Variants in ST6GALNAC5 observed in about 807,000 individuals in gnomAD.
ST6GALNAC5 encodes the protein ST6 N-acetylgalactosaminide alpha-2,6-sialyltransferase 5.
A neutral mutation model predicts 33.6 loss-of-function variants in ST6GALNAC5; 27 were observed. The ratio of observed to expected loss-of-function variants is 0.80; its 90% CI spans 0.59 to 1.11. The LOEUF (loss-of-function observed/expected upper bound fraction) is 1.11. Among genes scored for constraint, ST6GALNAC5 ranks in the 50% least tolerant of loss-of-function variants. The pLI, the probability that ST6GALNAC5 is intolerant of heterozygous loss-of-function variation, is 0.00. For synonymous variants in ST6GALNAC5, 194 were observed against 171.2 expected, an observed-to-expected ratio of 1.13 and a Z score of -1.04; for missense variants, 428 against 454.0, an observed-to-expected ratio of 0.94 and a Z score of 0.52.
At chr1:76,996,250 T>A (rs547464033) in intron 2 of ST6GALNAC5, among the ~76,000 whole-genome samples, 106 of 152,298 alleles carry the variant, frequency 7.0e-4, no homozygotes, top group African/African-American at 2.1e-3. Flanking sequence ...CTCTCCTACA[T>A]TTATGGGGAC....
intron 2 of ST6GALNAC5, among the ~76,000 whole-genome samples, chr1:77,021,207 T>TA (rs1651042120): frequency 6.6e-6 from 1 of 152,182 alleles, no homozygotes; most frequent in Non-Finnish European, 1.5e-5. Flanking sequence ...AGTCTCTTTT[T>TA]AAAAAAGTAT....
intron 2 of ST6GALNAC5, among the ~76,000 whole-genome samples, chr1:76,883,683 T>G (rs762853424): frequency 1.3e-5 from 2 of 152,202 alleles, no homozygotes; most frequent in African/African-American, 2.4e-5. Context: ...GCTATTTATT[T>G]GTTGTGAGCT....
intron 2 of ST6GALNAC5, among the ~76,000 whole-genome samples, chr1:77,038,221 G>A (rs1363867958): frequency 6.6e-6 from 1 of 152,222 alleles, no homozygotes; most frequent in Non-Finnish European, 1.5e-5. Context: ...CTTCTTGGCA[G>A]TGAAGGCTGG....
In ST6GALNAC5 at chr1:77,020,227, T is replaced by C. The variant is rs551945257; in HGVS notation, c.262-23977T>C. Among the ~76,000 whole-genome samples, 65 of 152,328 alleles carry C rather than the reference T, an allele frequency of 4.3e-4. 1 individual carries two copies. The highest frequency in any genetic ancestry group is 1.4e-3 in the African/African-American group (59 of 41,574). On this transcript the variant is annotated intron_variant, in intron 2 of 4. Transcript: ENST00000477717. ...TGCTTTTGAGGGGATTCTTGTGTAATTGACATTTTTTAAGTGCCGAGAATG... is the reference window on the plus strand; with the variant it reads ...TGCTTTTGAGGGGATTCTTGTGTAACTGACATTTTTTAAGTGCCGAGAATG...
chr1:76,990,384 G>A (rs1395630993), intron 2 of ST6GALNAC5, among the ~76,000 whole-genome samples: 1 of 152,192 alleles, frequency 6.6e-6, no homozygotes, highest in Non-Finnish European at 1.5e-5. Context: ...TTCTGAGCAT[G>A]AACTCAAACA....
chr1:76,915,108 G>A (rs1182947906), intron 2 of ST6GALNAC5, among the ~76,000 whole-genome samples: 3 of 151,876 alleles, frequency 2.0e-5, no homozygotes, highest in African/African-American at 7.3e-5. Flanking sequence ...ATCATCACTG[G>A]CCATCAGAGA....
chr1:77,056,408 T>C (rs1263482291), intron 4 of ST6GALNAC5, among the ~76,000 whole-genome samples: 1 of 152,224 alleles, frequency 6.6e-6, no homozygotes, highest in Non-Finnish European at 1.5e-5. Flanking sequence ...CTTAGCACAT[T>C]ACCAAGTTTA....
rs1206414847 is a variant in ST6GALNAC5 at position 77,067,450 on chromosome 1, G to C, written c.*4244G>C. Among the ~76,000 whole-genome samples the C allele has an allele frequency of 6.6e-6, 1 of 152,174 alleles. No homozygotes were observed. Among genetic ancestry groups the C allele is most frequent in the Admixed American group, 6.5e-5 (1 of 15,274 alleles). On this transcript the variant is annotated 3_prime_UTR_variant, in exon 5 of 5. Transcript: ENST00000477717. Reference sequence around the variant, plus strand: ...AGATTGTAAGCTCCTTGAGGGCAGAGACTCTTTCTCCTTTGTCTCTGCAGC... The same window carrying C: ...AGATTGTAAGCTCCTTGAGGGCAGACACTCTTTCTCCTTTGTCTCTGCAGC...
rs1652675234 is a variant in ST6GALNAC5 at position 77,063,621 on chromosome 1, T to A, written c.*415T>A. ...CTTTCCTGTTCTATAACCTTTGTCA[T>A]CTGTTAGACTCTGTATGTGTGATTT... is the stretch of plus-strand genomic sequence containing the variant. On this transcript the variant is annotated 3_prime_UTR_variant, in exon 5 of 5. Coordinates refer to ENST00000477717, the MANE Select transcript of ST6GALNAC5 (RefSeq NM_030965.3). The A allele has an allele frequency of 5.4e-6, 1 of 185,074 alleles. No individual in the cohort carries two copies. The highest frequency in any genetic ancestry group is 2.4e-5 in the African/African-American group (1 of 42,488). 11.5% of individuals were successfully genotyped at this position (185,074 alleles called of 1,614,324 possible).
intron 2 of ST6GALNAC5, among the ~76,000 whole-genome samples, chr1:76,974,044 A>T (rs558402601): frequency 1.3e-5 from 2 of 152,098 alleles, no homozygotes; most frequent in African/African-American, 4.8e-5. Flanking sequence ...AAGAATAAAA[A>T]AACAACTAAT....
intron 2 of ST6GALNAC5, among the ~76,000 whole-genome samples, chr1:76,968,135 C>T (rs1260339280): frequency 6.6e-6 from 1 of 152,104 alleles, no homozygotes; most frequent in African/African-American, 2.4e-5. Context: ...CCTGGATATC[C>T]TTGTTAACCT....
In ST6GALNAC5 at chr1:77,033,936, G is replaced by A. The variant is rs185791690; in HGVS notation, c.262-10268G>A. ...TATGCTTTGAAACCCCACTCTGGCA[G>A]CTGCGCAGAGAATGACCTGAAAGGT... On this transcript the variant is annotated intron_variant, in intron 2 of 4. Transcript: ENST00000477717. Among the ~76,000 whole-genome samples the A allele has an allele frequency of 5.7e-3, 869 of 152,238 alleles. 6 individuals carry two copies. Among genetic ancestry groups the A allele is most frequent in the African/African-American group, 0.02 (815 of 41,522 alleles).
At chr1:76,894,771 T>C (rs1654089229) in intron 2 of ST6GALNAC5, among the ~76,000 whole-genome samples, 1 of 152,140 alleles carries the variant, frequency 6.6e-6, no homozygotes, top group Admixed American at 6.5e-5. Context: ...CTGTTTGAGA[T>C]ATGAAATTAC....
intron 2 of ST6GALNAC5, among the ~76,000 whole-genome samples, chr1:76,920,133 T>C (rs1256011221): frequency 6.6e-6 from 1 of 152,142 alleles, no homozygotes; most frequent in Non-Finnish European, 1.5e-5. Flanking sequence ...AAGGAAAGCA[T>C]ATCCATATCA....
At chr1:76,952,194 C>G (rs1647775979) in intron 2 of ST6GALNAC5, among the ~76,000 whole-genome samples, 1 of 152,062 alleles carries the variant, frequency 6.6e-6, no homozygotes, top group Non-Finnish European at 1.5e-5. Flanking sequence ...ATAATACTTC[C>G]TTACAGCTGG....
chr1:77,037,773 A>G (rs12725479), intron 2 of ST6GALNAC5, among the ~76,000 whole-genome samples: 11,584 of 152,136 alleles, frequency 0.076, 564 homozygotes, highest in Admixed American at 0.13. Context: ...CTACAAGACA[A>G]TGGGGGCTTA....
intron 2 of ST6GALNAC5, among the ~76,000 whole-genome samples, chr1:76,916,374 C>T (rs1025490548): frequency 1.3e-5 from 2 of 152,086 alleles, no homozygotes; most frequent in African/African-American, 4.8e-5. Context: ...CTTTAATTCT[C>T]TTTAAAGGAA....
intron 2 of ST6GALNAC5, among the ~76,000 whole-genome samples, chr1:77,022,900 C>T (rs779928723): frequency 2.0e-5 from 3 of 152,196 alleles, no homozygotes; most frequent in Non-Finnish European, 4.4e-5. Context: ...TCATGGGCCA[C>T]ATTGTGTCTC....
chr1:76,910,600 A>G (rs1646901940), intron 2 of ST6GALNAC5, among the ~76,000 whole-genome samples: 1 of 152,090 alleles, frequency 6.6e-6, no homozygotes, highest in Non-Finnish European at 1.5e-5. Context: ...TTCAATATTA[A>G]CTTTAAACTA....
Sources: allele counts gnomAD v4.1 joint callset (sites outside exome capture counted in the v4.1 genomes callset), GRCh38; gene constraint gnomAD v4.1.1; transcripts MANE v1.5; gene names NCBI Gene and HGNC (gene_info 2026-07-23, HGNC 2026-07-21).